Variants in AGBL4 observed in about 807,000 individuals in gnomAD.
The protein encoded by AGBL4 is cytosolic carboxypeptidase 6.
In AGBL4, 58 loss-of-function variants were observed where a neutral mutation model predicts 66.4. The ratio of observed to expected loss-of-function variants is 0.87; its 90% CI spans 0.71 to 1.09. The LOEUF (loss-of-function observed/expected upper bound fraction) is 1.09, where lower values mean the gene tolerates loss of function less well. Among genes scored for constraint, AGBL4 ranks in the 50% least tolerant of loss-of-function variants. The pLI is 0.00. For missense variants in AGBL4, 579 were observed against 631.0 expected (o/e 0.92, Z 0.88); for synonymous variants, 234 against 222.9 (o/e 1.05, Z -0.44).
intron 3 of AGBL4, among the ~76,000 whole-genome samples, chr1:49,282,668 C>A (rs948473113): frequency 1.3e-5 from 2 of 152,166 alleles, no homozygotes; most frequent in South Asian, 4.1e-4. Context: ...GTGCTCGCAC[C>A]GTGCGCGAGC....
At chr1:49,937,595 G>A (rs1332093624) in intron 1 of AGBL4, among the ~76,000 whole-genome samples, 2 of 152,116 alleles carry the variant, frequency 1.3e-5, no homozygotes, top group African/African-American at 4.8e-5. Flanking sequence ...TGGAAGTAAA[G>A]CACTCCTCAG....
rs544306003 is a variant in AGBL4, at chr1:48,777,470, G to A, written c.634+89721C>T. ...CCGCGCCTTTCCCAGCCCTTAGTTT[G>A]GCCCCGCCTTTTCTTTGCTTTCTTT... On this transcript the variant is annotated intron_variant, in intron 6 of 13. Transcript: ENST00000371839. Among the ~76,000 whole-genome samples, 475 of 147,996 alleles carry A rather than the reference G, an allele frequency of 3.2e-3. 2 individuals are homozygous for A. The highest frequency in any genetic ancestry group is 0.01 in the African/African-American group (423 of 40,734).
intron 4 of AGBL4, among the ~76,000 whole-genome samples, chr1:49,147,056 GCGA>G (rs1346996097): frequency 1.3e-5 from 2 of 152,188 alleles, no homozygotes; most frequent in Non-Finnish European, 2.9e-5. Context: ...AGTGAGGGAG[GCGA>G]CACAGGAGGT....
chr1:48,934,430 G>A (rs1655286734), intron 5 of AGBL4, among the ~76,000 whole-genome samples: 3 of 152,058 alleles, frequency 2.0e-5, no homozygotes, highest in Admixed American at 2.0e-4. Flanking sequence ...AAGTGAAATT[G>A]GGAGGATATA....
chr1:49,614,767 T>G (rs767207648), intron 3 of AGBL4, among the ~76,000 whole-genome samples: 9 of 152,172 alleles, frequency 5.9e-5, no homozygotes, highest in Admixed American at 1.3e-4. Flanking sequence ...GTTCATTAGT[T>G]ACCATTCACT....
rs1374258866 is a variant in AGBL4 at position 49,114,142 on chromosome 1, T to C, written c.378-68342A>G. 2.0e-5 allele frequency among the ~76,000 whole-genome samples: 3 copies of C among 152,212 alleles called. No homozygotes were observed. In the East Asian group the frequency reaches 5.8e-4, roughly 29 times the overall value. On this transcript the variant is annotated intron_variant, in intron 4 of 13. Transcript: ENST00000371839. Reference sequence around the variant, plus strand: ...ACATCTTCTTTCAATATAAGATGTGTCTACATTGAAAATGTGTTATTTAGT... The same window carrying C: ...ACATCTTCTTTCAATATAAGATGTGCCTACATTGAAAATGTGTTATTTAGT...
chr1:49,025,942 T>C (rs1327350611), intron 5 of AGBL4, among the ~76,000 whole-genome samples: 1 of 152,180 alleles, frequency 6.6e-6, no homozygotes, highest in Non-Finnish European at 1.5e-5. Flanking sequence ...TTTTCAACTT[T>C]ATTGAAGCAT....
At chr1:49,012,490 G>A (rs1662517297) in intron 5 of AGBL4, among the ~76,000 whole-genome samples, 1 of 152,184 alleles carries the variant, frequency 6.6e-6, no homozygotes, top group African/African-American at 2.4e-5. Context: ...GTTGTCATAA[G>A]ATAAGAAGAG....
intron 6 of AGBL4, among the ~76,000 whole-genome samples, chr1:48,734,937 A>G (rs901821040): frequency 5.3e-5 from 8 of 152,342 alleles, no homozygotes; most frequent in African/African-American, 1.9e-4. Flanking sequence ...GTCAGTGGTT[A>G]GGAGCACAGA....
intron 1 of AGBL4, among the ~76,000 whole-genome samples, chr1:49,972,958 T>A (rs1474446166): frequency 6.6e-6 from 1 of 152,048 alleles, no homozygotes; most frequent in Non-Finnish European, 1.5e-5. Context: ...ATTATCTCCA[T>A]TTTTTAGAGG....
At chr1:49,804,932 G>A (rs764929820) in intron 2 of AGBL4, among the ~76,000 whole-genome samples, 1 of 152,166 alleles carries the variant, frequency 6.6e-6, no homozygotes, top group African/African-American at 2.4e-5. Context: ...TGTTTCTTGG[G>A]TTGAATGGTG....
intron 3 of AGBL4, among the ~76,000 whole-genome samples, chr1:49,310,058 T>C (rs1644917366): frequency 6.6e-6 from 1 of 151,874 alleles, no homozygotes; most frequent in Non-Finnish European, 1.5e-5. Context: ...AAAATAGATA[T>C]CTAAGGAAAG....
intron 1 of AGBL4, among the ~76,000 whole-genome samples, chr1:49,990,473 CATGATT>C (rs1341359954): frequency 1.3e-5 from 2 of 152,134 alleles, no homozygotes; most frequent in African/African-American, 4.8e-5. Context: ...CTCCTTTTGC[CATGATT>C]ATAAGTTTCC....
intron 1 of AGBL4, among the ~76,000 whole-genome samples, chr1:49,880,200 G>A (rs1174644737): frequency 1.3e-5 from 2 of 151,824 alleles, no homozygotes; most frequent in African/African-American, 4.8e-5. Flanking sequence ...TCCGTTGCTG[G>A]TGAGGAACTG....
chr1:49,257,978 G>C (rs919128670), intron 3 of AGBL4, among the ~76,000 whole-genome samples: 1 of 152,156 alleles, frequency 6.6e-6, no homozygotes, highest in African/African-American at 2.4e-5. Flanking sequence ...CCAGAGGAAC[G>C]ATCAGACAGC....
At chr1:49,416,741 T>A (rs1645433919) in intron 3 of AGBL4, among the ~76,000 whole-genome samples, 1 of 152,090 alleles carries the variant, frequency 6.6e-6, no homozygotes. Context: ...AGTCAATATA[T>A]ATAAAGTGTA....
chr1:49,026,958 A>G (rs1284601213), intron 5 of AGBL4, among the ~76,000 whole-genome samples: 2 of 152,108 alleles, frequency 1.3e-5, no homozygotes, highest in Non-Finnish European at 2.9e-5. Context: ...AGTAAAGGGG[A>G]GAAGGCAAAT....
chr1:49,625,765 TTAG>T (rs967462491), intron 3 of AGBL4, among the ~76,000 whole-genome samples: 2 of 152,148 alleles, frequency 1.3e-5, no homozygotes, highest in African/African-American at 4.8e-5. Flanking sequence ...TACCACATTA[TTAG>T]TAGAATCTTG....
At chr1:49,570,430 T>C (rs1194824946) in intron 3 of AGBL4, among the ~76,000 whole-genome samples, 1 of 152,144 alleles carries the variant, frequency 6.6e-6, no homozygotes, top group Non-Finnish European at 1.5e-5. Flanking sequence ...CACTTTTTAA[T>C]TGGATCATTT....
Sources: gnomAD v4.1 joint callset for allele counts (sites outside exome capture counted in the v4.1 genomes callset) on GRCh38, gnomAD v4.1.1 for gene constraint, MANE v1.5 for transcripts, NCBI Gene and HGNC (gene_info 2026-07-23, HGNC 2026-07-21) for gene names.